Variants in METTL16 observed in about 807,000 individuals in gnomAD.
The protein encoded by METTL16 is methyltransferase 16, RNA N6-adenosine, also known as RNA N(6)-adenosine-methyltransferase METTL16.
METTL16 carries 19 observed loss-of-function variants against 57.9 expected under a neutral mutation model. The ratio of observed to expected loss-of-function variants is 0.33; its 90% CI spans 0.23 to 0.48. The LOEUF is 0.48. Ranked by LOEUF, METTL16 falls within the 20% of genes least tolerant of loss-of-function variation. The pLI is 0.99. For missense variants in METTL16, 434 were observed against 691.5 expected (o/e 0.63, Z 4.18); for synonymous variants, 246 against 255.6 (o/e 0.96, Z 0.36).
Position 2,420,265 on chromosome 17 carries a change from T to G in METTL16, c.1394A>C (p.Asp465Ala). 1.6e-5 allele frequency: 26 copies of G among 1,613,982 alleles called. No homozygotes were observed. The highest frequency in any genetic ancestry group is 2.1e-5 in the Non-Finnish European group (25 of 1,180,026). ...CCCTCCCTTTTCCTCACTCCTTTCA[T>G]CCTCCGTGGGTTCCGGGTTTTCCTC... Reference protein sequence around the residue: ...SQEENPEPTEDERSEEKGGVE... With the variant: ...SQEENPEPTEAERSEEKGGVE... Residue 465 changes from aspartate (D) to alanine (A), a missense_variant, in exon 10 of 10, where the codon GAT becomes GCT. By Grantham distance (126) the Asp-to-Ala change is moderately radical. Transcript: ENST00000263092. The surrounding 1 kb of genome is among the most constrained non-coding windows in gnomAD (Gnocchi z 5.4).
intron 2 of METTL16, among the ~76,000 whole-genome samples, chr17:2,490,990 G>A (rs1487215883): frequency 6.6e-6 from 1 of 152,168 alleles, no homozygotes; most frequent in Admixed American, 6.5e-5. Context: ...CTGATTGTTA[G>A]ACTTTGTTGT....
intron 1 of METTL16, among the ~76,000 whole-genome samples, chr17:2,507,380 G>T (rs1272089269): frequency 2.0e-5 from 3 of 146,516 alleles, no homozygotes; most frequent in African/African-American, 7.6e-5. Flanking sequence ...GGAGGTGGGG[G>T]GGTCAGCCCC....
rs567462645 is a variant in METTL16 at position 2,501,316 on chromosome 17, T to A, written c.128+888A>T. On this transcript the variant is annotated intron_variant, in intron 2 of 9. Coordinates refer to ENST00000263092, the MANE Select transcript of METTL16 (RefSeq NM_024086.4). Reference sequence around the variant, plus strand: ...ATGGTAGGGCACACTTGGCTATTTTTATCTGGGGAGGCTGGGGCAGGAAGA... The same window carrying A: ...ATGGTAGGGCACACTTGGCTATTTTAATCTGGGGAGGCTGGGGCAGGAAGA... Among the ~76,000 whole-genome samples, 4 of 152,096 alleles carry A rather than the reference T, an allele frequency of 2.6e-5. No homozygotes were observed. In the South Asian group the frequency reaches 8.3e-4, roughly 32 times the overall value.
At chr17:2,491,851 G>A (rs1331371674) in intron 2 of METTL16, among the ~76,000 whole-genome samples, 1 of 140,028 alleles carries the variant, frequency 7.1e-6, no homozygotes, top group East Asian at 2.0e-4. Flanking sequence ...CTCCAGCCTG[G>A]GCGACAGAGC....
At chr17:2,506,256 C>T (rs1264492586) in intron 1 of METTL16, among the ~76,000 whole-genome samples, 1 of 126,822 alleles carries the variant, frequency 7.9e-6, no homozygotes, top group African/African-American at 3.0e-5. Flanking sequence ...CCCTCCCCCT[C>T]CCCCTCCCTC....
intron 5 of METTL16, among the ~76,000 whole-genome samples, chr17:2,466,846 A>G (rs2067201744): frequency 6.6e-6 from 1 of 151,268 alleles, no homozygotes; most frequent in Admixed American, 6.6e-5. Flanking sequence ...AGGGTTACCG[A>G]GGCTGGAGTG....
In METTL16 at chr17:2,490,429, A is replaced by G. The variant is rs142090088; in HGVS notation, c.128+11775T>C. Among the ~76,000 whole-genome samples the G allele has an allele frequency of 1.7e-4, 26 of 152,318 alleles. No homozygotes were observed. In the East Asian group the frequency reaches 4.6e-3, roughly 27 times the overall value. On this transcript the variant is annotated intron_variant, in intron 2 of 9. Transcript: ENST00000263092. ...CGACGAATGATTGTATGTAACTACA[A>G]CTACAACCACAAAAATTCCTACGTA...
intron 4 of METTL16, among the ~76,000 whole-genome samples, chr17:2,470,389 A>C (rs2067227847): frequency 6.6e-6 from 1 of 152,220 alleles, no homozygotes; most frequent in Admixed American, 6.5e-5. Context: ...TGGAGTAAGA[A>C]GGCAGAGCAT....
chr17:2,466,268 G>T (rs1475651676), intron 5 of METTL16, among the ~76,000 whole-genome samples: 1 of 151,600 alleles, frequency 6.6e-6, no homozygotes, highest in Non-Finnish European at 1.5e-5. Flanking sequence ...CTCAGTCCAG[G>T]AGTGGACTAT....
chr17:2,463,712 G>A (rs1258288225), intron 6 of METTL16, among the ~76,000 whole-genome samples: 3 of 151,438 alleles, frequency 2.0e-5, no homozygotes, highest in Admixed American at 2.0e-4. Context: ...TGCCCACCTC[G>A]GCCTCCCAAA....
chr17:2,464,479 A>T (rs1327929996), intron 5 of METTL16, 129 bp from the exon 6 acceptor site: 3 of 818,332 alleles, frequency 3.7e-6, no homozygotes, highest in African/African-American at 1.8e-5. Flanking sequence ...TAGATTTAGG[A>T]TTTTAAAATC....
intron 1 of METTL16, among the ~76,000 whole-genome samples, chr17:2,508,925 C>A (rs2067567091): frequency 1.3e-5 from 2 of 152,138 alleles, no homozygotes; most frequent in Admixed American, 1.3e-4. Flanking sequence ...GTCTGTCTCA[C>A]CATCTCCTAT....
At chr17:2,424,846 G>C (rs1488134272) in intron 8 of METTL16, among the ~76,000 whole-genome samples, 2 of 152,158 alleles carry the variant, frequency 1.3e-5, no homozygotes, top group African/African-American at 4.8e-5. Flanking sequence ...TACTTGGGAG[G>C]CTGAGGTGGG....
At chr17:2,462,135 A>T (rs1014591890) in intron 6 of METTL16, among the ~76,000 whole-genome samples, 1 of 152,242 alleles carries the variant, frequency 6.6e-6, no homozygotes, top group Non-Finnish European at 1.5e-5. Flanking sequence ...GAAATGTGGC[A>T]TATCAGCCTT....
At chr17:2,467,732 C>CA in intron 5 of METTL16, 29 bp downstream of exon 5, 1 of 1,569,022 alleles carries the variant, frequency 6.4e-7, no homozygotes, top group Non-Finnish European at 8.8e-7. Context: ...AGCCTATATT[C>CA]AATTATTTTA....
chr17:2,458,754 G>A (rs2067128606), intron 6 of METTL16, among the ~76,000 whole-genome samples: 1 of 151,870 alleles, frequency 6.6e-6, no homozygotes, highest in Non-Finnish European at 1.5e-5. Context: ...CAGGCCATGA[G>A]GAGTTTGATA....
At chr17:2,495,215 A>C (rs531117757) in intron 2 of METTL16, among the ~76,000 whole-genome samples, 331 of 151,968 alleles carry the variant, frequency 2.2e-3, no homozygotes, top group Non-Finnish European at 3.9e-3. Context: ...ACCCAGTCCC[A>C]GCTACTTGGG....
At chr17:2,496,384 G>C (rs1413670657) in intron 2 of METTL16, among the ~76,000 whole-genome samples, 3 of 151,360 alleles carry the variant, frequency 2.0e-5, no homozygotes, top group African/African-American at 4.9e-5. Flanking sequence ...CTGCAGCCTT[G>C]AACTCCTGGG....
At chr17:2,443,647 C>T (rs2066970279) in intron 6 of METTL16, among the ~76,000 whole-genome samples, 1 of 151,844 alleles carries the variant, frequency 6.6e-6, no homozygotes, top group African/African-American at 2.4e-5. Flanking sequence ...CCACGACGCC[C>T]GGCTATTTTT....
Sources: allele counts gnomAD v4.1 joint callset (sites outside exome capture counted in the v4.1 genomes callset), GRCh38; gene constraint gnomAD v4.1.1; non-coding constraint Gnocchi (gnomAD v3.1); transcripts MANE v1.5; gene names NCBI Gene and HGNC (gene_info 2026-07-23, HGNC 2026-07-21).